The following LPP variants were observed in gnomAD, a reference collection of about 807,000 sequenced individuals.
The protein encoded by LPP is lipoma-preferred partner.
A neutral mutation model predicts 60.4 loss-of-function variants in LPP; 38 were observed. The observed-to-expected ratio is 0.63, with a 90% CI of 0.49 to 0.83. The LOEUF (loss-of-function observed/expected upper bound fraction) is 0.83, where lower values mean the gene tolerates loss of function less well. Ranked by LOEUF, LPP falls within the 40% of genes least tolerant of loss-of-function variation. The pLI, the probability that LPP is intolerant of heterozygous loss-of-function variation, is 0.00. For synonymous variants in LPP, 328 were observed against 290.8 expected (o/e 1.13, Z -1.30); for missense variants, 902 against 783.6 (o/e 1.15, Z -1.80).
At chr3:188,388,823 G>T (rs1778986447) in intron 3 of LPP, among the ~76,000 whole-genome samples, 1 of 152,150 alleles carries the variant, frequency 6.6e-6, no homozygotes, top group South Asian at 2.1e-4. Context: ...TTTCTGTAAA[G>T]GGCCAAGTAG....
At chr3:188,295,207 G>T (rs2150086213) in intron 2 of LPP, among the ~76,000 whole-genome samples, 1 of 152,336 alleles carries the variant, frequency 6.6e-6, no homozygotes, top group South Asian at 2.1e-4. Flanking sequence ...AAACTTTAAT[G>T]AACAAGTGGG....
At chr3:188,810,438 A>T (rs1750572669) in intron 9 of LPP, among the ~76,000 whole-genome samples, 2 of 151,934 alleles carry the variant, frequency 1.3e-5, no homozygotes, top group South Asian at 4.2e-4. Flanking sequence ...ATAGTCATGT[A>T]GAGACTATTG....
chr3:188,804,281 A>ATATATATG (rs1324970065), intron 9 of LPP, among the ~76,000 whole-genome samples: 1 of 127,944 alleles, frequency 7.8e-6, no homozygotes, highest in African/African-American at 2.9e-5. Flanking sequence ...ATATATATAT[A>ATATATATG]TAAAATGGAA....
intron 9 of LPP, among the ~76,000 whole-genome samples, chr3:188,838,621 T>C (rs960384770): frequency 1.3e-5 from 2 of 152,056 alleles, no homozygotes; most frequent in Admixed American, 6.6e-5. Flanking sequence ...GAAGTTGAAG[T>C]CAGGACTGGA....
chr3:188,414,739 A>G (rs149031405), intron 4 of LPP, among the ~76,000 whole-genome samples: 1 of 152,278 alleles, frequency 6.6e-6, no homozygotes, highest in African/African-American at 2.4e-5. Flanking sequence ...GTAAATAACC[A>G]ATGAAAATTC....
intron 7 of LPP, among the ~76,000 whole-genome samples, chr3:188,624,941 C>CT (rs978916669): frequency 3.3e-5 from 5 of 151,306 alleles, no homozygotes; most frequent in South Asian, 4.2e-4. Flanking sequence ...TTCCTTCTTC[C>CT]TTTTTTTTCT....
At chr3:188,533,904 AT>A (rs1222908787) in intron 6 of LPP, among the ~76,000 whole-genome samples, 1 of 152,154 alleles carries the variant, frequency 6.6e-6, no homozygotes, top group East Asian at 1.9e-4. Context: ...ATACCTCATC[AT>A]TTTTTTAGAA....
chr3:188,757,708 A>C (rs988246610), intron 8 of LPP, among the ~76,000 whole-genome samples: 1 of 152,124 alleles, frequency 6.6e-6, no homozygotes, highest in African/African-American at 2.4e-5. Flanking sequence ...TAAAATGTAA[A>C]ATTACAGCTT....
chr3:188,420,219 T>A (rs200106487), intron 4 of LPP, among the ~76,000 whole-genome samples: 1 of 152,278 alleles, frequency 6.6e-6, no homozygotes, highest in South Asian at 2.1e-4. Context: ...GCTTGGTGTA[T>A]GTTTGTCCTT....
At chr3:188,752,336 T>A (rs576763448) in intron 8 of LPP, among the ~76,000 whole-genome samples, 1 of 152,318 alleles carries the variant, frequency 6.6e-6, no homozygotes, top group Admixed American at 6.5e-5. Context: ...ACTCAGCTGC[T>A]TGTTTTGAAG....
rs527899691 is a variant in LPP at position 188,615,793 on chromosome 3, T to C, written c.1113+5949T>C. On this transcript the variant is annotated intron_variant, in intron 7 of 11. Transcript: ENST00000617246. The stretch of plus-strand genomic sequence containing the variant: ...TAGCCATTCTGACTGGTGTGAGAGA[T>C]GGTATCTCATTGTTGTTTTGATTTG... Among the ~76,000 whole-genome samples the C allele has an allele frequency of 3.3e-5, 5 of 152,340 alleles. No individual in the cohort carries two copies. The South Asian group carries it at 8.3e-4, about 25-fold the overall frequency.
intron 8 of LPP, among the ~76,000 whole-genome samples, chr3:188,724,914 C>A (rs964336238): frequency 1.3e-5 from 2 of 152,228 alleles, no homozygotes; most frequent in Admixed American, 1.3e-4. Flanking sequence ...AATAAAGTCA[C>A]CCTGTTGACA....
intron 2 of LPP, among the ~76,000 whole-genome samples, chr3:188,280,558 C>T (rs564769421): frequency 6.6e-6 from 1 of 152,074 alleles, no homozygotes; most frequent in South Asian, 2.1e-4. Context: ...AAGTCCAGTG[C>T]CCATCCCCCA....
At chr3:188,222,145 C>T (rs1049116989) in intron 1 of LPP, among the ~76,000 whole-genome samples, 6 of 152,006 alleles carry the variant, frequency 3.9e-5, no homozygotes, top group African/African-American at 1.2e-4. Flanking sequence ...ATTTGGAGGC[C>T]ATTTAAAAAT....
chr3:188,699,642 A>G (rs1577083882), intron 7 of LPP, among the ~76,000 whole-genome samples: 1 of 152,210 alleles, frequency 6.6e-6, no homozygotes, highest in African/African-American at 2.4e-5. Context: ...AATGGAACAT[A>G]AGAATAGAAG....
In LPP at chr3:188,888,319, A is replaced by G. The variant is rs1770909341; in HGVS notation, c.*13840A>G. On this transcript the variant is annotated 3_prime_UTR_variant, in exon 12 of 12. Transcript: ENST00000617246. The stretch of plus-strand genomic sequence containing the variant: ...AAGTAGATGTGGCGTGAAGATACAG[A>G]GCCTGAGGATAGTAATTTTCCCTGA... 4.4e-6 allele frequency: 1 copy of G among 227,632 alleles called. No homozygotes were observed. The highest frequency in any genetic ancestry group is 1.8e-4 in the South Asian group (1 of 5,490). 14.1% of individuals were successfully genotyped at this position (227,632 alleles called of 1,614,324 possible). A position where few individuals can be genotyped will look rare whatever the true frequency, so the allele number is the denominator to read the frequency against.
At chr3:188,251,119 CTCTT>C (rs1180053218) in intron 2 of LPP, among the ~76,000 whole-genome samples, 13 of 144,394 alleles carry the variant, frequency 9.0e-5, no homozygotes, top group African/African-American at 1.5e-4. Flanking sequence ...CTCTATTTTC[CTCTT>C]TCTTTCTTTC....
At chr3:188,602,748 G>T (rs1023567251) in intron 6 of LPP, among the ~76,000 whole-genome samples, 1 of 146,594 alleles carries the variant, frequency 6.8e-6, no homozygotes, top group Non-Finnish European at 1.5e-5. Flanking sequence ...AAAAGGAGAA[G>T]AGTAACTTAG....
chr3:188,574,174 G>A (rs1560582786), intron 6 of LPP, among the ~76,000 whole-genome samples: 1 of 152,106 alleles, frequency 6.6e-6, no homozygotes, highest in Non-Finnish European at 1.5e-5. Context: ...GTGGCATCCA[G>A]AGGACCCTGG....
Sources: allele counts gnomAD v4.1 joint callset (sites outside exome capture counted in the v4.1 genomes callset), GRCh38; gene constraint gnomAD v4.1.1; transcripts MANE v1.5; gene names NCBI Gene and HGNC (gene_info 2026-07-23, HGNC 2026-07-21).